The following CTNND2 variants were observed in gnomAD, a reference collection of about 807,000 sequenced individuals.
CTNND2 encodes catenin delta 2.
CTNND2 carries 22 observed loss-of-function variants against 144.4 expected under a neutral mutation model. The observed-to-expected ratio is 0.15, with a 90% CI of 0.11 to 0.22. The LOEUF is 0.22. Ranked by LOEUF, CTNND2 falls within the 10% of genes least tolerant of loss-of-function variation. CTNND2 has a pLI of 1.00. For synonymous variants in CTNND2, 751 were observed against 695.6 expected (o/e 1.08, Z -1.25); for missense variants, 1,353 against 1,618.8 (o/e 0.84, Z 2.82).
intron 1 of CTNND2, among the ~76,000 whole-genome samples, chr5:11,772,164 TTTAATC>T (rs1789984994): frequency 6.6e-6 from 1 of 152,246 alleles, no homozygotes; most frequent in South Asian, 2.1e-4. Context: ...AATTAGAAGT[TTTAATC>T]TTAATTAATC....
Position 11,098,623 on chromosome 5 carries a change from C to T in CTNND2, c.2589G>A (p.Leu863=). The change falls in exon 15 of 22, where the codon CTG becomes CTA. Residue 863 remains leucine, a synonymous_variant. Coordinates refer to ENST00000304623, the MANE Select transcript of CTNND2 (RefSeq NM_001332.4). ...TCTGCAGGGCGCCTGCCGCCCCTTC[C>T]AGCGTGTCTGGATTTGAGCACTCAG... ...LLSECSNPDT[L]EGAAGALQNL... 6.2e-7 allele frequency: 1 copy of T among 1,614,164 alleles called. No individual in the cohort carries two copies.
intron 9 of CTNND2, among the ~76,000 whole-genome samples, chr5:11,293,807 A>G (rs1313987774): frequency 6.9e-6 from 1 of 144,372 alleles, no homozygotes; most frequent in Non-Finnish European, 1.5e-5. Flanking sequence ...CATTTCTTGG[A>G]GTCTTTTTTG....
intron 1 of CTNND2, among the ~76,000 whole-genome samples, chr5:11,737,124 TTTTTCGGCC>T (rs1252357333): frequency 6.6e-6 from 1 of 152,208 alleles, no homozygotes; most frequent in East Asian, 1.9e-4. Flanking sequence ...AATCTGTGTA[TTTTTCGGCC>T]TTTTGTTAGC....
chr5:11,713,354 G>A (rs979437762), intron 2 of CTNND2, among the ~76,000 whole-genome samples: 4 of 152,018 alleles, frequency 2.6e-5, no homozygotes, highest in Non-Finnish European at 5.9e-5. Context: ...GCTGAGGCAG[G>A]AGGATCATGA....
At chr5:11,511,863 C>T (rs1211664785) in intron 3 of CTNND2, among the ~76,000 whole-genome samples, 1 of 152,152 alleles carries the variant, frequency 6.6e-6, no homozygotes, top group Non-Finnish European at 1.5e-5. Context: ...CAAGATCTTG[C>T]CTCTCTTTTG....
chr5:11,643,661 G>A (rs1231779921), intron 2 of CTNND2, among the ~76,000 whole-genome samples: 3 of 151,820 alleles, frequency 2.0e-5, no homozygotes, highest in Non-Finnish European at 4.4e-5. Context: ...ACAGAAACTT[G>A]TTACTGTGAA....
At chr5:11,886,975 CTTTTTTTTTTTTT>C (rs36178842) in intron 1 of CTNND2, among the ~76,000 whole-genome samples, 1 of 83,574 alleles carries the variant, frequency 1.2e-5, no homozygotes, top group African/African-American at 4.3e-5. Flanking sequence ...TATCCTACTG[CTTTTTTTTTTTTT>C]TTTTTTTTTT....
intron 1 of CTNND2, among the ~76,000 whole-genome samples, chr5:11,762,984 T>C (rs1205237395): frequency 6.6e-6 from 1 of 152,220 alleles, no homozygotes; most frequent in Non-Finnish European, 1.5e-5. Context: ...ATCTCCAGTG[T>C]TGGGGTGGAT....
chr5:11,240,591 GCA>G (rs1313789270), intron 9 of CTNND2, among the ~76,000 whole-genome samples: 1 of 58,338 alleles, frequency 1.7e-5, no homozygotes, highest in African/African-American at 6.8e-5. Flanking sequence ...CACATACTCA[GCA>G]CACACACCCA....
At chr5:11,097,809 C>T (rs990799745) in intron 15 of CTNND2, among the ~76,000 whole-genome samples, 1 of 152,180 alleles carries the variant, frequency 6.6e-6, no homozygotes, top group Admixed American at 6.5e-5. Context: ...ATTAATGGAA[C>T]ATGCATGGCA....
At chr5:11,014,779 G>A (rs187565872) in intron 18 of CTNND2, among the ~76,000 whole-genome samples, 1 of 152,296 alleles carries the variant, frequency 6.6e-6, no homozygotes, top group East Asian at 1.9e-4. Context: ...ACAAGAAAAT[G>A]AGCATGACAG....
At chr5:11,197,745 C>G (rs1385319687) in intron 11 of CTNND2, among the ~76,000 whole-genome samples, 1 of 152,176 alleles carries the variant, frequency 6.6e-6, no homozygotes, top group African/African-American at 2.4e-5. Flanking sequence ...AAGACACATG[C>G]TGCAGAAGAT....
chr5:11,543,915 G>A lies in CTNND2; in HGVS notation c.287+21029C>T, dbSNP rs546438340. On this transcript the variant is annotated intron_variant, in intron 3 of 21. Transcript: ENST00000304623. Reference sequence around the variant, plus strand: ...CTTGGAAGACCATACCTTAAACTCTGACCTCATGTAATTCCCATAAATAAG... The same window carrying A: ...CTTGGAAGACCATACCTTAAACTCTAACCTCATGTAATTCCCATAAATAAG... 5.5e-4 allele frequency among the ~76,000 whole-genome samples: 83 copies of A among 152,174 alleles called. 1 individual carries two copies. Among genetic ancestry groups the A allele is most frequent in the African/African-American group, 1.8e-3 (76 of 41,522 alleles).
intron 9 of CTNND2, among the ~76,000 whole-genome samples, chr5:11,269,396 A>C (rs2149973471): frequency 6.6e-6 from 1 of 152,340 alleles, no homozygotes; most frequent in South Asian, 2.1e-4. Flanking sequence ...GAAATGCTAG[A>C]AAATAGTTTC....
In CTNND2 at chr5:11,342,076, G is replaced by A. The variant is rs187656177; in HGVS notation, c.1628+4296C>T. ...CTTTCAATTCACTATATATGCATGC[G>A]CGTGGGTGTGTGTGTGTGTGTCCAC... On this transcript the variant is annotated intron_variant, in intron 9 of 21. Transcript: ENST00000304623. Among the ~76,000 whole-genome samples, 398 of 152,154 alleles carry A rather than the reference G, an allele frequency of 2.6e-3. 9 individuals are homozygous for A. In the South Asian group the frequency reaches 0.041, roughly 16 times the overall value.
intron 2 of CTNND2, among the ~76,000 whole-genome samples, chr5:11,606,053 GA>G (rs1479898540): frequency 2.6e-5 from 4 of 152,158 alleles, no homozygotes; most frequent in African/African-American, 7.2e-5. Flanking sequence ...AGAGGCAAGA[GA>G]CGAGACAGAA....
chr5:11,150,773 C>CA (rs1757692686), intron 12 of CTNND2, among the ~76,000 whole-genome samples: 2 of 151,856 alleles, frequency 1.3e-5, no homozygotes, highest in Admixed American at 1.3e-4. Flanking sequence ...ATTACAGGTG[C>CA]CCGCCAGCTC....
chr5:11,667,102 C>CT (rs1170032206), intron 2 of CTNND2, among the ~76,000 whole-genome samples: 1 of 151,988 alleles, frequency 6.6e-6, no homozygotes, highest in Non-Finnish European at 1.5e-5. Context: ...TGAAATCATC[C>CT]TTTTTATGGC....
At chr5:11,430,927 G>A (rs187227838) in intron 3 of CTNND2, among the ~76,000 whole-genome samples, 1 of 152,248 alleles carries the variant, frequency 6.6e-6, no homozygotes, top group Admixed American at 6.5e-5. Context: ...GAACCCATCA[G>A]GCTAAAATAC....
Sources: gnomAD v4.1 joint callset for allele counts (sites outside exome capture counted in the v4.1 genomes callset) on GRCh38, gnomAD v4.1.1 for gene constraint, MANE v1.5 for transcripts, NCBI Gene and HGNC (gene_info 2026-07-23, HGNC 2026-07-21) for gene names.